Variants in MAMDC2 observed in about 807,000 individuals in gnomAD.
The protein encoded by MAMDC2 is MAM domain-containing protein 2.
A neutral mutation model predicts 89.8 loss-of-function variants in MAMDC2; 57 were observed. That is an observed-to-expected ratio of 0.63 (90% CI 0.51 to 0.79). The LOEUF (loss-of-function observed/expected upper bound fraction) is 0.79. Ranked by LOEUF, MAMDC2 falls within the 30% of genes least tolerant of loss-of-function variation. The pLI, the probability that MAMDC2 is intolerant of heterozygous loss-of-function variation, is 0.00. For missense variants in MAMDC2, 800 were observed against 820.6 expected (o/e 0.97, Z 0.31); for synonymous variants, 313 against 293.4 (o/e 1.07, Z -0.68).
At chr9:70,067,702 G>T (rs1327366055) in intron 2 of MAMDC2, among the ~76,000 whole-genome samples, 1 of 152,184 alleles carries the variant, frequency 6.6e-6, no homozygotes, top group Non-Finnish European at 1.5e-5. Context: ...TTTCAGTTCG[G>T]TGATGTAAGT....
At chr9:70,208,750 GTA>G (rs1491029641) in intron 11 of MAMDC2, among the ~76,000 whole-genome samples, 1 of 38,538 alleles carries the variant, frequency 2.6e-5, no homozygotes, top group Non-Finnish European at 6.5e-5. Context: ...TGTCCATTCA[GTA>G]TGATATTGGC....
At position 70,218,613 on chromosome 9, in the gene MAMDC2, A is replaced by G; in HGVS notation, c.1911+17A>G. On this transcript the variant is annotated intron_variant, in intron 12 of 13. Transcript: ENST00000377182. ...CAACACCAGGTAAGCCAACAGAGAT[A>G]AGAACTAAGCAATGGAAAACGTGTA... is the stretch of plus-strand genomic sequence containing the variant. 2.5e-6 allele frequency: 4 copies of G among 1,588,306 alleles called. No individual in the cohort carries two copies. Among genetic ancestry groups the G allele is most frequent in the Non-Finnish European group, 3.4e-6 (4 of 1,165,934 alleles).
At chr9:70,211,137 C>A (rs1410670968) in intron 11 of MAMDC2, among the ~76,000 whole-genome samples, 1 of 152,102 alleles carries the variant, frequency 6.6e-6, no homozygotes, top group Non-Finnish European at 1.5e-5. Context: ...ATCTTTGTGG[C>A]GTTCTCTGAA....
At chr9:70,078,860 C>CA (rs139836211) in intron 2 of MAMDC2, among the ~76,000 whole-genome samples, 10,171 of 152,166 alleles carry the variant, frequency 0.067, 471 homozygotes, top group Non-Finnish European at 0.096. Context: ...GTCCTGCCAA[C>CA]AAAAATCCTC....
chr9:70,185,250 G>A (rs1339187596), intron 11 of MAMDC2, among the ~76,000 whole-genome samples: 1 of 152,212 alleles, frequency 6.6e-6, no homozygotes, highest in Non-Finnish European at 1.5e-5. Context: ...TCCTTTCTCT[G>A]GAAGCTTTGT....
At chr9:70,065,123 G>A (rs1396699097) in intron 2 of MAMDC2, among the ~76,000 whole-genome samples, 1 of 152,106 alleles carries the variant, frequency 6.6e-6, no homozygotes, top group Non-Finnish European at 1.5e-5. Context: ...CGACTAACAG[G>A]GATTACGAGC....
chr9:70,078,208 C>T (rs143629570), intron 2 of MAMDC2, among the ~76,000 whole-genome samples: 50 of 152,236 alleles, frequency 3.3e-4, no homozygotes, highest in African/African-American at 1.1e-3. Context: ...AGAGCACACA[C>T]CATTTAATCT....
chr9:70,121,386 T>C (rs189291827), intron 5 of MAMDC2, among the ~76,000 whole-genome samples: 2 of 152,202 alleles, frequency 1.3e-5, no homozygotes, highest in Non-Finnish European at 2.9e-5. Flanking sequence ...GTGATCTTTC[T>C]TTCAACTGAA....
At chr9:70,055,761 A>G (rs1827012561) in intron 2 of MAMDC2, among the ~76,000 whole-genome samples, 1 of 152,154 alleles carries the variant, frequency 6.6e-6, no homozygotes, top group Non-Finnish European at 1.5e-5. Flanking sequence ...TCTCTTCTCA[A>G]TCCTCAGCAT....
In MAMDC2 at chr9:70,142,909, T is replaced by A. The variant is rs2031276132; in HGVS notation, c.1139-645T>A. On this transcript the variant is annotated intron_variant, in intron 8 of 13. Coordinates refer to ENST00000377182, the MANE Select transcript of MAMDC2 (RefSeq NM_153267.5). ...ACACAAACTCATTTTAAATTGACCA[T>A]GGGGATGGTGGGAGGGGGAGGTTCC... is the stretch of plus-strand genomic sequence containing the variant. Among the ~76,000 whole-genome samples the A allele has an allele frequency of 3.3e-5, 5 of 152,296 alleles. No homozygotes were observed. In the South Asian group the frequency reaches 1.0e-3, roughly 32 times the overall value.
intron 2 of MAMDC2, chr9:70,062,821 A>C (rs1204706912): frequency 6.6e-6 from 1 of 152,248 alleles, no homozygotes; most frequent in Non-Finnish European, 1.5e-5. Flanking sequence ...AAACAGGCAC[A>C]ATCTACAAAA....
At chr9:70,116,011 G>A (rs2029969976) in intron 5 of MAMDC2, among the ~76,000 whole-genome samples, 1 of 152,166 alleles carries the variant, frequency 6.6e-6, no homozygotes, top group Admixed American at 6.5e-5. Context: ...GGAACAGAAA[G>A]GATCTTGAAA....
At chr9:70,195,044 GTC>G (rs2032950238) in intron 11 of MAMDC2, among the ~76,000 whole-genome samples, 1 of 152,080 alleles carries the variant, frequency 6.6e-6, no homozygotes, top group South Asian at 2.1e-4. Flanking sequence ...ACAGCTAGCT[GTC>G]TATTTTCAGG....
At chr9:70,182,956 G>A (rs919546031) in intron 11 of MAMDC2, among the ~76,000 whole-genome samples, 3 of 152,122 alleles carry the variant, frequency 2.0e-5, no homozygotes, top group African/African-American at 7.2e-5. Flanking sequence ...GTCGATTTTA[G>A]ATCTTTCCTG....
chr9:70,088,756 TA>T (rs1827826237), intron 2 of MAMDC2: 1 of 151,806 alleles, frequency 6.6e-6, no homozygotes, highest in South Asian at 2.1e-4. Flanking sequence ...TGAGTACAGT[TA>T]AAGAAAAATA....
At chr9:70,133,537 C>G (rs1385983832) in intron 7 of MAMDC2, among the ~76,000 whole-genome samples, 1 of 152,208 alleles carries the variant, frequency 6.6e-6, no homozygotes, top group Non-Finnish European at 1.5e-5. Context: ...TTCAGAACTT[C>G]CCACTATGCC....
intron 2 of MAMDC2, among the ~76,000 whole-genome samples, chr9:70,070,497 A>G (rs1827377515): frequency 6.6e-6 from 1 of 152,228 alleles, no homozygotes; most frequent in African/African-American, 2.4e-5. Flanking sequence ...ACTGCAATGT[A>G]GTATAAATAT....
chr9:70,202,965 G>C (rs11142067), intron 11 of MAMDC2, among the ~76,000 whole-genome samples: 1 of 146,374 alleles, frequency 6.8e-6, no homozygotes, highest in South Asian at 2.2e-4. Context: ...ACGTGAGATG[G>C]GTTTCCTGAA....
At chr9:70,081,138 A>C (rs1284044886) in intron 2 of MAMDC2, among the ~76,000 whole-genome samples, 1 of 152,130 alleles carries the variant, frequency 6.6e-6, no homozygotes, top group Non-Finnish European at 1.5e-5. Context: ...TTTGACACAA[A>C]GGAGAGAGCT....
Sources: allele counts gnomAD v4.1 joint callset (sites outside exome capture counted in the v4.1 genomes callset), GRCh38; gene constraint gnomAD v4.1.1; transcripts MANE v1.5; gene names NCBI Gene and HGNC (gene_info 2026-07-23, HGNC 2026-07-21).